The following FHL1 variants were observed in gnomAD, a reference collection of about 807,000 sequenced individuals.
FHL1 encodes the protein four and a half LIM domains 1, also known as four and a half LIM domains protein 1.
FHL1 carries 1 observed loss-of-function variant against 20.3 expected under a neutral mutation model. The ratio of observed to expected loss-of-function variants is 0.05; its 90% CI spans 0.02 to 0.23. The LOEUF (loss-of-function observed/expected upper bound fraction) is 0.23, where lower values mean the gene tolerates loss of function less well. Ranked by LOEUF, FHL1 falls within the 10% of genes least tolerant of loss-of-function variation. The pLI, the probability that FHL1 is intolerant of heterozygous loss-of-function variation, is 1.00. For missense variants in FHL1, 177 were observed against 234.0 expected, an observed-to-expected ratio of 0.76 and a Z score of 1.59; for synonymous variants, 82 against 88.9, an observed-to-expected ratio of 0.92 and a Z score of 0.44.
intron 1 of FHL1, among the ~76,000 whole-genome samples, chrX:136,201,514 G>A (rs948059952): frequency 9.0e-6 from 1 of 111,590 alleles, no homozygotes; most frequent in Non-Finnish European, 1.9e-5. Flanking sequence ...GCACATGCTT[G>A]AGCCCAATTA....
chrX:136,180,081 G>C (rs896217664), intron 2 of FHL1, among the ~76,000 whole-genome samples: 4 of 111,796 alleles, frequency 3.6e-5, no homozygotes, highest in Non-Finnish European at 7.5e-5. Context: ...TTGAGATCCT[G>C]ACATTTATTT....
At chrX:136,185,562 A>G (rs767157048) in intron 2 of FHL1, among the ~76,000 whole-genome samples, 4 of 111,887 alleles carry the variant, frequency 3.6e-5, no homozygotes, top group Admixed American at 1.9e-4. Flanking sequence ...TTTCTTGTTT[A>G]TCTGTAAAGA....
chrX:136,210,371 C>T lies in FHL1; in HGVS notation c.*346C>T, dbSNP rs1265030604. The T allele has an allele frequency of 1.2e-5, 5 of 400,235 alleles. No homozygotes were observed. Among genetic ancestry groups the T allele is most frequent in the African/African-American group, 1.2e-4 (5 of 41,096 alleles). 33.0% of individuals were successfully genotyped at this position (400,235 alleles called of 1,213,427 possible). A position where few individuals can be genotyped will look rare whatever the true frequency, so the allele number is the denominator to read the frequency against. Reference sequence around the variant, plus strand: ...CAAGAAGCATAGGAGATAAAACCCCCACTGAGATGCCTCTCATGCCTCAGC... The same window carrying T: ...CAAGAAGCATAGGAGATAAAACCCCTACTGAGATGCCTCTCATGCCTCAGC... On this transcript the variant is annotated 3_prime_UTR_variant, in exon 6 of 6. Coordinates refer to ENST00000370683, the MANE Select transcript of FHL1 (RefSeq NM_001159699.2).
At chrX:136,204,794 G>C (rs1200928028) in intron 1 of FHL1, 1 of 111,855 alleles carries the variant, frequency 8.9e-6, no homozygotes, top group Admixed American at 9.5e-5. Context: ...TCAAACACAG[G>C]GTGTGGTTTC....
At chrX:136,170,440 G>C (rs750704494) in intron 2 of FHL1, among the ~76,000 whole-genome samples, 1 of 111,364 alleles carries the variant, frequency 9.0e-6, no homozygotes, top group African/African-American at 3.3e-5. Context: ...GCAAAATCTG[G>C]TGATAGAAGG....
At chrX:136,190,406 A>C (rs1397205253) in intron 2 of FHL1, among the ~76,000 whole-genome samples, 2 of 111,626 alleles carry the variant, frequency 1.8e-5, no homozygotes, top group African/African-American at 6.5e-5. Context: ...TGCGTCAACT[A>C]CTGCTTCCAA....
intron 2 of FHL1, among the ~76,000 whole-genome samples, chrX:136,185,495 AGT>A (rs1391575258): frequency 1.8e-5 from 2 of 111,787 alleles, no homozygotes; most frequent in Non-Finnish European, 3.8e-5. Context: ...TGAAGTCCGA[AGT>A]TAGTTTTTTA....
intron 1 of FHL1, among the ~76,000 whole-genome samples, chrX:136,160,648 C>T (rs903130032): frequency 1.8e-5 from 2 of 112,053 alleles, no homozygotes; most frequent in African/African-American, 6.5e-5. Context: ...TGGTCTCAAA[C>T]TCATGGCTTG....
chrX:136,208,458 A>T lies in FHL1; in HGVS notation c.553A>T (p.Ile185Phe), dbSNP rs1451394494. Residue 185 changes from isoleucine (I) to phenylalanine (F), a missense_variant, in exon 5 of 6, where the codon ATC becomes TTC. Ile to Phe is a conservative substitution (Grantham distance 21, BLOSUM62 0). Coordinates refer to ENST00000370683, the MANE Select transcript of FHL1 (RefSeq NM_001159699.2). Reference sequence around the variant, plus strand: ...GGTGCTACACTCCCTGGTCTAGGCCATCACATCTGGAGGAATCACTTACCA... The same window carrying T: ...GGTGCTACACTCCCTGGTCTAGGCCTTCACATCTGGAGGAATCACTTACCA... The part of the protein sequence containing the change: ...AKHCVKCNKA[I>F]TSGGITYQDQ... 1 of 1,210,251 alleles carries T rather than the reference A, an allele frequency of 8.3e-7. No individual in the cohort carries two copies. The highest frequency in any genetic ancestry group is 1.1e-6 in the Non-Finnish European group (1 of 895,154).
chrX:136,182,546 C>CT (rs2073181317), intron 2 of FHL1, among the ~76,000 whole-genome samples: 1 of 112,466 alleles, frequency 8.9e-6, no homozygotes, highest in Non-Finnish European at 1.9e-5. Flanking sequence ...CCTTTATTCT[C>CT]AGTCCCCAGA....
At chrX:136,173,028 C>A (rs1016916845) in intron 2 of FHL1, among the ~76,000 whole-genome samples, 5 of 112,681 alleles carry the variant, frequency 4.4e-5, no homozygotes, top group African/African-American at 1.6e-4. Context: ...CCACCATGCC[C>A]GGCCTATTTT....
At position 136,191,235 on chromosome X, in the gene FHL1, C is replaced by T. The variant is rs182514130; in HGVS notation, c.-26-15172C>T. On this transcript the variant is annotated intron_variant, in intron 2 of 6. Coordinates refer to the FHL1 transcript ENST00000394153. ...AGATACGAATCACTGTGGGCCACCG[C>T]GCTCCTCTGTCCACCTGTGGTTACT... Among the ~76,000 whole-genome samples, 6 of 111,513 alleles carry T rather than the reference C, an allele frequency of 5.4e-5. No homozygotes were observed. In the East Asian group the frequency reaches 8.5e-4, roughly 16 times the overall value.
upstream of FHL1, chrX:136,169,617 A>G: frequency 3.9e-6 from 1 of 255,118 alleles, no homozygotes; most frequent in African/African-American, 2.8e-5. Flanking sequence ...AAACTGAAAT[A>G]GGCCATGAGC....
intron 2 of FHL1, among the ~76,000 whole-genome samples, chrX:136,186,877 TATATAG>T (rs1466649791): frequency 0.015 from 109 of 7,514 alleles, no homozygotes; most frequent in East Asian, 0.066. Context: ...TATATATATA[TATATAG>T]ATAGATAGAT....
intron 1 of FHL1, chrX:136,148,061 G>A (rs2072151817): frequency 1.0e-5 from 1 of 97,144 alleles, no homozygotes; most frequent in South Asian, 5.5e-4. Context: ...GCGGGCAGTG[G>A]GGGGTGGGGC....
chrX:136,162,550 G>A (rs1326752369), intron 1 of FHL1, among the ~76,000 whole-genome samples: 1 of 111,736 alleles, frequency 8.9e-6, no homozygotes, highest in East Asian at 2.8e-4. Flanking sequence ...AGGAGGCTGA[G>A]GTGGGAGGAT....
At chrX:136,177,194 A>T (rs972580909) in intron 2 of FHL1, among the ~76,000 whole-genome samples, 1 of 112,211 alleles carries the variant, frequency 8.9e-6, no homozygotes, top group East Asian at 2.8e-4. Context: ...TTTTAAAAGT[A>T]TCTCCTTTAC....
chrX:136,183,124 CA>C (rs55708453), intron 2 of FHL1, among the ~76,000 whole-genome samples: 172 of 103,043 alleles, frequency 1.7e-3, no homozygotes, highest in African/African-American at 5.8e-3. Flanking sequence ...AACAAACAAA[CA>C]AAAAAAAAAC....
At chrX:136,169,049 G>A (rs1353076103), upstream of FHL1, among the ~76,000 whole-genome samples, 1 of 111,841 alleles carries the variant, frequency 8.9e-6, no homozygotes, top group East Asian at 2.8e-4. Context: ...ATTCGCTCAT[G>A]TACATTTTCA....
Sources: gnomAD v4.1 joint callset for allele counts (sites outside exome capture counted in the v4.1 genomes callset) on GRCh38, gnomAD v4.1.1 for gene constraint, MANE v1.5 for transcripts, NCBI Gene and HGNC (gene_info 2026-07-23, HGNC 2026-07-21) for gene names.